The following KCNIP4 variants were observed in gnomAD, a reference collection of about 807,000 sequenced individuals.
The protein encoded by KCNIP4 is potassium voltage-gated channel interacting protein 4.
A neutral mutation model predicts 34.0 loss-of-function variants in KCNIP4; 12 were observed. The observed-to-expected ratio is 0.35, with a 90% CI of 0.23 to 0.57. KCNIP4 has a LOEUF of 0.57. KCNIP4 is among the 20% of genes least tolerant of loss of function. The pLI, the probability that KCNIP4 is intolerant of heterozygous loss-of-function variation, is 0.83. For missense variants in KCNIP4, 238 were observed against 311.7 expected, an observed-to-expected ratio of 0.76 and a Z score of 1.78; for synonymous variants, 124 against 102.2, an observed-to-expected ratio of 1.21 and a Z score of -1.29.
chr4:21,705,416 C>T (rs1414235502), intron 1 of KCNIP4, among the ~76,000 whole-genome samples: 1 of 152,086 alleles, frequency 6.6e-6, no homozygotes, highest in Non-Finnish European at 1.5e-5. Flanking sequence ...TAATTCCATG[C>T]TAATCTACAA....
At chr4:20,905,505 C>CTTTTTTTTTTTTTT (rs1182454951) in intron 1 of KCNIP4, among the ~76,000 whole-genome samples, 32 of 37,056 alleles carry the variant, frequency 8.6e-4, no homozygotes, top group African/African-American at 1.6e-3. Flanking sequence ...TGAACGTTTT[C>CTTTTTTTTTTTTTT]TTTCTTTTTT....
intron 1 of KCNIP4, among the ~76,000 whole-genome samples, chr4:21,247,925 A>G (rs1349607808): frequency 1.5e-5 from 2 of 134,344 alleles, no homozygotes; most frequent in East Asian, 4.2e-4. Flanking sequence ...ACACACATAT[A>G]TATATACACA....
At chr4:21,753,576 A>G (rs753972918) in intron 1 of KCNIP4, among the ~76,000 whole-genome samples, 1 of 152,192 alleles carries the variant, frequency 6.6e-6, no homozygotes, top group Non-Finnish European at 1.5e-5. Context: ...AGCCAACAGC[A>G]AATCAGAATG....
intron 1 of KCNIP4, among the ~76,000 whole-genome samples, chr4:21,810,369 C>A (rs1578018556): frequency 6.6e-6 from 1 of 152,232 alleles, no homozygotes; most frequent in South Asian, 2.1e-4. Context: ...ACCCTCCCAC[C>A]TTCTTTTTGC....
intron 1 of KCNIP4, among the ~76,000 whole-genome samples, chr4:21,488,796 A>G (rs1463679019): frequency 6.6e-6 from 1 of 152,096 alleles, no homozygotes; most frequent in Non-Finnish European, 1.5e-5. Context: ...TCAAACTGTC[A>G]GAGGCCAAGA....
At chr4:21,509,696 A>G (rs1033363981) in intron 1 of KCNIP4, among the ~76,000 whole-genome samples, 12 of 152,144 alleles carry the variant, frequency 7.9e-5, no homozygotes, top group African/African-American at 2.7e-4. Context: ...AGCTCCTAAG[A>G]TGTTGGACTT....
chr4:21,095,593 A>G lies in KCNIP4; in HGVS notation c.62-212884T>C, dbSNP rs532237483. Among the ~76,000 whole-genome samples, 109 of 151,820 alleles carry G rather than the reference A, an allele frequency of 7.2e-4. 1 individual carries two copies. In the South Asian group the frequency reaches 0.022, roughly 30 times the overall value. On this transcript the variant is annotated intron_variant, in intron 1 of 8. Coordinates refer to ENST00000382152, the MANE Select transcript of KCNIP4 (RefSeq NM_025221.6). Reference sequence around the variant, plus strand: ...AGACTCGTTTTGCAATAACTAGAATATAAACTACTATGCAGAGTGCAAATG... The same window carrying G: ...AGACTCGTTTTGCAATAACTAGAATGTAAACTACTATGCAGAGTGCAAATG...
intron 1 of KCNIP4, among the ~76,000 whole-genome samples, chr4:21,046,079 C>A (rs557467751): frequency 1.3e-5 from 2 of 152,300 alleles, no homozygotes; most frequent in South Asian, 4.2e-4. Context: ...TTGGGATTAC[C>A]TGTGCTGACT....
chr4:21,752,157 C>T (rs907959809), intron 1 of KCNIP4, among the ~76,000 whole-genome samples: 7 of 152,050 alleles, frequency 4.6e-5, no homozygotes, highest in South Asian at 4.1e-4. Flanking sequence ...TATATGTATA[C>T]GCTTAAGAAA....
At chr4:20,984,084 G>C in intron 1 of KCNIP4, 1 of 1,160,862 alleles carries the variant, frequency 8.6e-7, no homozygotes, top group Non-Finnish European at 1.2e-6. Flanking sequence ...GGCCCCCCGG[G>C]GTGAGGACAG....
At chr4:20,845,746 C>T (rs766219031) in intron 3 of KCNIP4, among the ~76,000 whole-genome samples, 3 of 152,168 alleles carry the variant, frequency 2.0e-5, no homozygotes, top group African/African-American at 4.8e-5. Flanking sequence ...CAGGTGGAAA[C>T]GGACTGCAAG....
chr4:21,818,058 C>T (rs1578027972), intron 1 of KCNIP4, among the ~76,000 whole-genome samples: 2 of 152,242 alleles, frequency 1.3e-5, no homozygotes, highest in Middle Eastern at 6.8e-3. Flanking sequence ...CACCCCTTCC[C>T]TTTTTGAAAC....
chr4:21,649,542 C>T (rs1747308516), intron 1 of KCNIP4, among the ~76,000 whole-genome samples: 4 of 152,078 alleles, frequency 2.6e-5, no homozygotes. Flanking sequence ...AGTTAGTTCC[C>T]TACATCTAGG....
chr4:21,632,280 C>T (rs1195423278), intron 1 of KCNIP4, among the ~76,000 whole-genome samples: 14 of 152,174 alleles, frequency 9.2e-5, no homozygotes, highest in Non-Finnish European at 8.8e-5. Flanking sequence ...ATGGTGTGAT[C>T]TCAGCTCACT....
chr4:20,928,551 C>A (rs1459793326), intron 1 of KCNIP4, among the ~76,000 whole-genome samples: 1 of 151,324 alleles, frequency 6.6e-6, no homozygotes, highest in Non-Finnish European at 1.5e-5. Flanking sequence ...TAACATTATG[C>A]CTCAAGAAAC....
intron 1 of KCNIP4, among the ~76,000 whole-genome samples, chr4:21,303,039 C>T (rs757660431): frequency 6.6e-6 from 1 of 152,126 alleles, no homozygotes; most frequent in Non-Finnish European, 1.5e-5. Context: ...AAAATGTGTT[C>T]TGAGCAGTTA....
intron 1 of KCNIP4, among the ~76,000 whole-genome samples, chr4:20,925,647 T>C (rs994812622): frequency 6.6e-6 from 1 of 152,200 alleles, no homozygotes; most frequent in Non-Finnish European, 1.5e-5. Flanking sequence ...CTCTATGGAC[T>C]TGCCCTGAAT....
At chr4:21,449,994 A>T (rs1384028686) in intron 1 of KCNIP4, among the ~76,000 whole-genome samples, 1 of 152,170 alleles carries the variant, frequency 6.6e-6, no homozygotes. Context: ...TGTGCAAGAA[A>T]TTCAATGGTA....
At chr4:21,372,952 G>A (rs1326632795) in intron 1 of KCNIP4, among the ~76,000 whole-genome samples, 1 of 145,698 alleles carries the variant, frequency 6.9e-6, no homozygotes, top group Non-Finnish European at 1.5e-5. Flanking sequence ...GCCTCATATG[G>A]TTGTGTTGAT....
Sources: allele counts gnomAD v4.1 joint callset (sites outside exome capture counted in the v4.1 genomes callset), GRCh38; gene constraint gnomAD v4.1.1; transcripts MANE v1.5; gene names NCBI Gene and HGNC (gene_info 2026-07-23, HGNC 2026-07-21).